The following PREX1 variants were observed in gnomAD, a reference collection of about 807,000 sequenced individuals.
The protein encoded by PREX1 is phosphatidylinositol-3,4,5-trisphosphate dependent Rac exchange factor 1.
In PREX1, 41 loss-of-function variants were observed where a neutral mutation model predicts 198.3. That is an observed-to-expected ratio of 0.21 (90% CI 0.16 to 0.27). The LOEUF (loss-of-function observed/expected upper bound fraction) is 0.27. PREX1 is among the 10% of genes least tolerant of loss of function. The probability of loss-of-function intolerance (pLI) is 1.00; values close to 1 mark genes in which losing one functional copy is unlikely to be tolerated. For synonymous variants in PREX1, 843 were observed against 887.2 expected (o/e 0.95, Z 0.89); for missense variants, 1,620 against 2,200.7 (o/e 0.74, Z 5.28).
the PREX1 span, among the ~76,000 whole-genome samples, chr20:48,880,797 C>A: frequency 6.6e-6 from 1 of 152,040 alleles, no homozygotes; most frequent in Admixed American, 6.6e-5. Flanking sequence ...CTAGTCATTT[C>A]TGCCACAGGT....
intron 13 of PREX1, among the ~76,000 whole-genome samples, chr20:48,679,018 A>G (rs1428129617): frequency 6.6e-6 from 1 of 152,244 alleles, no homozygotes; most frequent in African/African-American, 2.4e-5. Flanking sequence ...GCAGGCACAA[A>G]GGCCCTAAGG....
At chr20:48,801,869 C>T (rs897624783) in intron 1 of PREX1, among the ~76,000 whole-genome samples, 1 of 152,138 alleles carries the variant, frequency 6.6e-6, no homozygotes, top group Non-Finnish European at 1.5e-5. Context: ...TCTGGGGAGT[C>T]TGGATTAGTT....
intron 5 of PREX1, among the ~76,000 whole-genome samples, chr20:48,709,873 C>T (rs1404282728): frequency 6.6e-6 from 1 of 152,232 alleles, no homozygotes; most frequent in East Asian, 1.9e-4. Context: ...CAACTTCAAA[C>T]ACATCCCTTC....
chr20:48,662,148 CCT>C lies in PREX1; in HGVS notation c.1739-2089_1739-2088del, dbSNP rs554987522. 3.9e-4 allele frequency among the ~76,000 whole-genome samples: 60 copies of C among 152,284 alleles called. No individual in the cohort carries two copies. In the East Asian group the frequency reaches 6.8e-3, roughly 17 times the overall value. Reference sequence around the variant, plus strand: ...TTGTGAGCCCCTTTCTCAGGCCACCCCTGTTACCTTTTTGAGAAAACAGACAC... The same window carrying C: ...TTGTGAGCCCCTTTCTCAGGCCACCCGTTACCTTTTTGAGAAAACAGACAC... On this transcript the variant is annotated intron_variant, in intron 15 of 39. Coordinates refer to ENST00000371941, the MANE Select transcript of PREX1 (RefSeq NM_020820.4).
At chr20:48,762,382 T>C (rs778441384) in intron 1 of PREX1, among the ~76,000 whole-genome samples, 12 of 152,160 alleles carry the variant, frequency 7.9e-5, no homozygotes, top group Non-Finnish European at 1.3e-4. Context: ...TCCTGAGTAT[T>C]ATAAGACACT....
intron 1 of PREX1, among the ~76,000 whole-genome samples, chr20:48,819,792 C>T (rs2090475967): frequency 6.6e-6 from 1 of 152,244 alleles, no homozygotes; most frequent in Non-Finnish European, 1.5e-5. Flanking sequence ...GTTCCAGCCA[C>T]ATGCCAGCAC....
intron 7 of PREX1, among the ~76,000 whole-genome samples, chr20:48,699,164 A>C (rs2123064507): frequency 6.6e-6 from 1 of 152,326 alleles, no homozygotes; most frequent in Admixed American, 6.5e-5. Flanking sequence ...CAGCACAGAC[A>C]GACAAGGAAA....
chr20:48,804,334 G>A (rs540353147), intron 1 of PREX1, among the ~76,000 whole-genome samples: 8 of 152,206 alleles, frequency 5.3e-5, no homozygotes, highest in African/African-American at 4.8e-5. Flanking sequence ...CAAGTGCCAC[G>A]GAGAAGAGGG....
chr20:48,673,378 CCT>C (rs1456248848), intron 14 of PREX1, among the ~76,000 whole-genome samples: 1 of 152,246 alleles, frequency 6.6e-6, no homozygotes, highest in African/African-American at 2.4e-5. Context: ...TCTCCAAATA[CCT>C]CTCAGACCCG....
At chr20:48,818,675 C>T (rs1370116847) in intron 1 of PREX1, among the ~76,000 whole-genome samples, 3 of 152,210 alleles carry the variant, frequency 2.0e-5, no homozygotes, top group African/African-American at 7.2e-5. Context: ...GAGGTGAGAG[C>T]TAATAGACAG....
At chr20:48,832,991 G>C (rs138281573), upstream of PREX1, among the ~76,000 whole-genome samples, 204 of 152,300 alleles carry the variant, frequency 1.3e-3, 1 homozygote, top group Non-Finnish European at 2.1e-3. Context: ...TAGCACCAGA[G>C]ACCAGCTTCT....
rs186918836 is a variant in PREX1 at position 48,657,537 on chromosome 20, G to A, written c.1975-349C>T. On this transcript the variant is annotated intron_variant, in intron 17 of 39. Coordinates refer to ENST00000371941, the MANE Select transcript of PREX1 (RefSeq NM_020820.4). ...AAGAAAGATGAAGACCTGCTGACCC[G>A]AACCAAGATTCACAACTGCCTCCTT... is the stretch of plus-strand genomic sequence containing the variant. 4.7e-3 allele frequency among the ~76,000 whole-genome samples: 722 copies of A among 152,318 alleles called. 4 individuals carry two copies. The highest frequency in any genetic ancestry group is 0.016 in the African/African-American group (685 of 41,560).
At position 48,789,905 on chromosome 20, in the gene PREX1, AAAG is replaced by A. The variant is rs1377958839; in HGVS notation, c.219+37734_219+37736del. On this transcript the variant is annotated intron_variant, in intron 1 of 39. Transcript: ENST00000371941. ...GATGGATGGGTGATGGATAAGGAGG[AAAG>A]AAGAAGGGAGAAAAAGAATGAAGTG... Among the ~76,000 whole-genome samples the A allele has an allele frequency of 3.3e-5, 5 of 152,228 alleles. No homozygotes were observed. In the East Asian group the frequency reaches 9.6e-4, roughly 29 times the overall value.
At chr20:48,880,867 C>G in the PREX1 span, among the ~76,000 whole-genome samples, 1 of 150,570 alleles carries the variant, frequency 6.6e-6, no homozygotes, top group African/African-American at 2.4e-5. Context: ...CTATAAGGAC[C>G]TTTAAGGTGT....
chr20:48,785,300 C>A (rs2090306954), intron 1 of PREX1, among the ~76,000 whole-genome samples: 1 of 152,244 alleles, frequency 6.6e-6, no homozygotes, highest in Non-Finnish European at 1.5e-5. Flanking sequence ...TCTCCTCTGA[C>A]AAGCCCACAG....
the PREX1 span, among the ~76,000 whole-genome samples, chr20:48,855,672 G>A: frequency 2.0e-3 from 301 of 152,334 alleles, 9 homozygotes; most frequent in East Asian, 0.049. Flanking sequence ...GCCAAGGAGG[G>A]TGGATCACTT....
chr20:48,881,052 C>A, the PREX1 span, among the ~76,000 whole-genome samples: 6 of 139,070 alleles, frequency 4.3e-5, no homozygotes, highest in Non-Finnish European at 7.6e-5. Flanking sequence ...ACTCTACCCA[C>A]AGGTCTTTGT....
upstream of PREX1, among the ~76,000 whole-genome samples, chr20:48,830,225 G>C (rs1051297694): frequency 6.6e-6 from 1 of 152,192 alleles, no homozygotes; most frequent in Admixed American, 6.5e-5. Context: ...AATTAGCTGG[G>C]CATGGTGGCA....
intron 18 of PREX1, among the ~76,000 whole-genome samples, chr20:48,655,910 C>G (rs1231119631): frequency 6.6e-6 from 1 of 152,196 alleles, no homozygotes; most frequent in Non-Finnish European, 1.5e-5. Flanking sequence ...GTACCCTGCC[C>G]ACATCCCCGT....
Sources: gnomAD v4.1 joint callset for allele counts (sites outside exome capture counted in the v4.1 genomes callset) on GRCh38, gnomAD v4.1.1 for gene constraint, MANE v1.5 for transcripts, NCBI Gene and HGNC (gene_info 2026-07-23, HGNC 2026-07-21) for gene names.